Variants in RLF observed in about 807,000 individuals in gnomAD.
RLF encodes RLF zinc finger.
A neutral mutation model predicts 162.9 loss-of-function variants in RLF; 7 were observed. That is an observed-to-expected ratio of 0.04 (90% CI 0.02 to 0.08). RLF has a LOEUF of 0.08. Among genes scored for constraint, RLF ranks in the 10% least tolerant of loss-of-function variants. RLF has a pLI of 1.00. For missense variants in RLF, 1,664 were observed against 2,244.7 expected, an observed-to-expected ratio of 0.74 and a Z score of 5.23; for synonymous variants, 782 against 791.5, an observed-to-expected ratio of 0.99 and a Z score of 0.20.
At chr1:40,178,632 G>GTTTTGTTTTTGTT (rs1419547495) in intron 1 of RLF, among the ~76,000 whole-genome samples, 1 of 88,410 alleles carries the variant, frequency 1.1e-5, no homozygotes, top group African/African-American at 3.9e-5. Flanking sequence ...TTTTTTTTTT[G>GTTTTGTTTTTGTT]TTTTTTTTTT....
At chr1:40,169,732 GC>G (rs1642216859) in intron 1 of RLF, among the ~76,000 whole-genome samples, 2 of 119,490 alleles carry the variant, frequency 1.7e-5, no homozygotes, top group African/African-American at 6.3e-5. Flanking sequence ...CGCTTTTGTT[GC>G]CCAGGCTGGA....
intron 1 of RLF, among the ~76,000 whole-genome samples, chr1:40,181,216 G>A (rs1436123349): frequency 6.6e-6 from 1 of 152,114 alleles, no homozygotes; most frequent in Non-Finnish European, 1.5e-5. Flanking sequence ...GATTACTTGA[G>A]GTCAGGAGTT....
chr1:40,188,424 C>T (rs1642514267), intron 1 of RLF, among the ~76,000 whole-genome samples: 2 of 152,070 alleles, frequency 1.3e-5, no homozygotes, highest in African/African-American at 2.4e-5. Context: ...GAGGACTATT[C>T]CCCCCATTGT....
At chr1:40,221,917 A>AAAAAAAAAAAAAAAAAAAAAAAAAGAG (rs1486982312) in intron 5 of RLF, among the ~76,000 whole-genome samples, 3 of 150,284 alleles carry the variant, frequency 2.0e-5, no homozygotes, top group African/African-American at 7.4e-5. Flanking sequence ...AAAAAAAAAA[A>AAAAAAAAAAAAAAAAAAAAAAAAAGAG]AGAGAAAGGA....
chr1:40,162,877 G>A (rs954302584), intron 1 of RLF, among the ~76,000 whole-genome samples: 32 of 152,186 alleles, frequency 2.1e-4, no homozygotes, highest in African/African-American at 7.0e-4. Flanking sequence ...TGTTTAGTAA[G>A]CTCATTTATT....
rs749277300 is a variant in RLF at position 40,222,704 on chromosome 1, G to T, written c.941G>T (p.Cys314Phe). 2 of 1,612,710 alleles carry T rather than the reference G, an allele frequency of 1.2e-6. No individual in the cohort carries two copies. The highest frequency in any genetic ancestry group is 1.7e-5 in the Admixed American group (1 of 59,986). Residue 314 changes from cysteine to phenylalanine, a missense_variant, in exon 6 of 8, where the codon TGT becomes TTT. By Grantham distance (205) the Cys-to-Phe change is radical (BLOSUM62 -2). Around this residue, in one of 15 missense-constraint regions of RLF, gnomAD observed 287 missense variants for 404.9 expected, o/e 0.71. Transcript: ENST00000372771. The stretch of plus-strand genomic sequence containing the variant: ...CAGCTCCAAACTGCAAGTGTATATT[G>T]TTCTTGGTAAGTATATTTAGTTTTA... ...TQQLQTASVY[C>F]SWELTLFWSK...
At chr1:40,182,760 GATAGA>G (rs1642422762) in intron 1 of RLF, among the ~76,000 whole-genome samples, 1 of 148,156 alleles carries the variant, frequency 6.7e-6, no homozygotes, top group African/African-American at 2.5e-5. Context: ...TAGGTAGATA[GATAGA>G]TAGATAGATA....
At chr1:40,194,310 T>C (rs1479367038) in intron 3 of RLF, among the ~76,000 whole-genome samples, 2 of 152,198 alleles carry the variant, frequency 1.3e-5, no homozygotes, top group Non-Finnish European at 2.9e-5. Flanking sequence ...GTGTGAATAC[T>C]GCAGAATTCT....
chr1:40,236,133 A>G lies in RLF; in HGVS notation c.1431A>G (p.Arg477=), dbSNP rs200746931. The G allele has an allele frequency of 1.1e-5, 18 of 1,613,950 alleles. No homozygotes were observed. Among genetic ancestry groups the G allele is most frequent in the African/African-American group, 2.7e-5 (2 of 74,916 alleles). Residue 477 remains arginine, a synonymous_variant, in exon 8 of 8, where the codon CGA becomes CGG. Coordinates refer to ENST00000372771, the MANE Select transcript of RLF (RefSeq NM_012421.4). The surrounding 1 kb of genome is among the most constrained non-coding windows in gnomAD (Gnocchi z 7.7). ...PEFWDWKTLK[R]HCHQLLGQEA... is the part of the protein sequence containing the mutation. ...TTTGGGACTGGAAAACTTTAAAACG[A>G]CACTGCCACCAACTTTTAGGACAAG...
At chr1:40,181,257 C>G (rs1285374336) in intron 1 of RLF, among the ~76,000 whole-genome samples, 2 of 152,116 alleles carry the variant, frequency 1.3e-5, no homozygotes, top group Non-Finnish European at 2.9e-5. Flanking sequence ...TGGCGAAACC[C>G]CATCTCTACT....
chr1:40,225,831 C>T (rs911694723), intron 6 of RLF, among the ~76,000 whole-genome samples: 4 of 128,412 alleles, frequency 3.1e-5, no homozygotes, highest in Admixed American at 9.5e-5. Context: ...GAGCCGAGAT[C>T]GGGCGCCATT....
chr1:40,214,054 A>G (rs988081772), intron 5 of RLF, among the ~76,000 whole-genome samples: 1 of 152,232 alleles, frequency 6.6e-6, no homozygotes, highest in African/African-American at 2.4e-5. Context: ...GCAGTGGCCA[A>G]GGTGATCCTT....
Position 40,237,238 on chromosome 1 carries a change from G to A in RLF, c.2536G>A (p.Gly846Ser), listed in dbSNP as rs1245036906. 6.2e-7 allele frequency: 1 copy of A among 1,613,952 alleles called. No individual in the cohort carries two copies. The highest frequency in any genetic ancestry group is 1.1e-5 in the South Asian group (1 of 91,066). The change falls in exon 8 of 8, where the codon GGT (glycine) becomes AGT (serine). Residue 846 changes from glycine to serine, a missense_variant. By Grantham distance (56) the Gly-to-Ser change is moderately conservative. Around this residue, in one of 15 missense-constraint regions of RLF, gnomAD observed 295 missense variants for 317.4 expected, o/e 0.93. Coordinates refer to ENST00000372771, the MANE Select transcript of RLF (RefSeq NM_012421.4). This position sits in a 1 kb window ranked among gnomAD's most constrained non-coding sequence, Gnocchi z 4.4. ...KSVKLEESAT[G>S]EKQDCINQPH... ...AGTGAAACTTGAGGAGTCTGCAACA[G>A]GTGAAAAGCAAGATTGTATTAATCA... is the stretch of plus-strand genomic sequence containing the variant.
At chr1:40,228,326 G>A (rs1643105523) in intron 6 of RLF, among the ~76,000 whole-genome samples, 1 of 149,808 alleles carries the variant, frequency 6.7e-6, no homozygotes, top group African/African-American at 2.5e-5. Context: ...TGCATGTAAT[G>A]TAATCCCAGC....
chr1:40,221,899 C>CAAAA lies in RLF; in HGVS notation c.811-659_811-656dup, dbSNP rs895455745. ...TGGGCGACACAGCGAGACTCCGTCT[C>CAAAA]AAAAAAAAAAAAAAAAAAAGAGAAA... On this transcript the variant is annotated intron_variant, in intron 5 of 7. Transcript: ENST00000372771. Among the ~76,000 whole-genome samples the CAAAA allele has an allele frequency of 1.7e-3, 110 of 65,036 alleles. 7 individuals are homozygous for CAAAA. The highest frequency in any genetic ancestry group is 5.5e-3 in the African/African-American group (93 of 16,758). 42.7% of individuals were successfully genotyped at this position (65,036 alleles called of 152,430 possible).
At chr1:40,195,460 A>AAT (rs978670050) in intron 3 of RLF, among the ~76,000 whole-genome samples, 172 bp from the exon 4 acceptor site, 71 of 151,944 alleles carry the variant, frequency 4.7e-4, no homozygotes, top group African/African-American at 1.7e-3. Context: ...AAAAAAAAAA[A>AAT]AAAGACAGCA....
Position 40,240,070 on chromosome 1 carries a change from T to C in RLF, c.5368T>C (p.Trp1790Arg), listed in dbSNP as rs1209629204. Residue 1790 changes from tryptophan to arginine, a missense_variant, in exon 8 of 8, where the codon TGG (tryptophan) becomes CGG (arginine). Transcript: ENST00000372771. ...AGAGAAAGAAGATGATTTTGATGAT[T>C]GGGAGCCTTCAGAGCACTTAACATT... ...SEEKEDDFDDWEPSEHLTLSN... is the reference protein window; with the variant it reads ...SEEKEDDFDDREPSEHLTLSN... 1.2e-6 allele frequency: 2 copies of C among 1,614,020 alleles called. No individual in the cohort carries two copies. Among genetic ancestry groups the C allele is most frequent in the Non-Finnish European group, 1.7e-6 (2 of 1,179,992 alleles).
intron 1 of RLF, among the ~76,000 whole-genome samples, chr1:40,187,704 TTCTC>T (rs988693066): frequency 8.5e-5 from 13 of 152,082 alleles, no homozygotes; most frequent in Non-Finnish European, 1.5e-4. Context: ...TGTAAGTTGT[TTCTC>T]TCTCTCTCTT....
chr1:40,173,219 G>A (rs949925525), intron 1 of RLF, among the ~76,000 whole-genome samples: 1 of 151,838 alleles, frequency 6.6e-6, no homozygotes, highest in African/African-American at 2.4e-5. Context: ...TGGGATTACA[G>A]GCATGCGCCA....
Sources: allele counts gnomAD v4.1 joint callset (sites outside exome capture counted in the v4.1 genomes callset), GRCh38; gene constraint gnomAD v4.1.1; regional missense constraint gnomAD v4.1.1; non-coding constraint Gnocchi (gnomAD v3.1); transcripts MANE v1.5; gene names NCBI Gene and HGNC (gene_info 2026-07-23, HGNC 2026-07-21).